Variants in RGS17 observed in about 807,000 individuals in gnomAD.
The protein encoded by RGS17 is regulator of G-protein signaling 17.
RGS17 carries 12 observed loss-of-function variants against 25.5 expected under a neutral mutation model. That is an observed-to-expected ratio of 0.47 (90% CI 0.30 to 0.76). The LOEUF is 0.76. Among genes scored for constraint, RGS17 ranks in the 30% least tolerant of loss-of-function variants. The pLI is 0.07. For missense variants in RGS17, 196 were observed against 242.2 expected (o/e 0.81, Z 1.27); for synonymous variants, 71 against 76.9 (o/e 0.92, Z 0.40).
At chr6:153,112,830 A>G (rs146599299) in intron 1 of RGS17, among the ~76,000 whole-genome samples, 1 of 152,354 alleles carries the variant, frequency 6.6e-6, no homozygotes, top group Admixed American at 6.5e-5. Context: ...ACTAAGCTTC[A>G]TAAGCAAAGG....
intron 1 of RGS17, among the ~76,000 whole-genome samples, chr6:153,052,487 T>C (rs1326935172): frequency 5.3e-5 from 8 of 152,022 alleles, no homozygotes; most frequent in African/African-American, 1.9e-4. Flanking sequence ...AAAGTAATTG[T>C]GGTTTTTTGC....
intron 1 of RGS17, among the ~76,000 whole-genome samples, chr6:153,091,895 T>C (rs982206134): frequency 4.6e-5 from 7 of 152,104 alleles, no homozygotes; most frequent in Non-Finnish European, 8.8e-5. Flanking sequence ...TCTGGGGAAA[T>C]GAAAAACAAG....
intron 1 of RGS17, among the ~76,000 whole-genome samples, chr6:153,089,048 C>T (rs548113358): frequency 4.6e-5 from 7 of 152,198 alleles, no homozygotes; most frequent in Admixed American, 1.3e-4. Flanking sequence ...AGAACTGCTC[C>T]CACCTATAAA....
chr6:153,029,193 C>T (rs998209547), intron 2 of RGS17, among the ~76,000 whole-genome samples: 7 of 152,214 alleles, frequency 4.6e-5, no homozygotes, highest in African/African-American at 1.4e-4. Flanking sequence ...AGCTCTTGAT[C>T]TACTATTGGC....
At chr6:153,104,940 G>C (rs1187930301) in intron 1 of RGS17, among the ~76,000 whole-genome samples, 1 of 150,304 alleles carries the variant, frequency 6.7e-6, no homozygotes, top group African/African-American at 2.4e-5. Flanking sequence ...ATTTCAGGCA[G>C]GAGGAAGGAA....
chr6:153,092,981 G>A (rs1396797950), intron 1 of RGS17, among the ~76,000 whole-genome samples: 2 of 152,024 alleles, frequency 1.3e-5, no homozygotes, highest in East Asian at 3.9e-4. Flanking sequence ...CCTCTATCAG[G>A]GGAGAGAGTC....
At chr6:153,124,065 T>C (rs1777673457) in intron 1 of RGS17, among the ~76,000 whole-genome samples, 1 of 152,184 alleles carries the variant, frequency 6.6e-6, no homozygotes, top group African/African-American at 2.4e-5. Context: ...GCTTAGCAGC[T>C]TGCTTGAACA....
chr6:153,056,175 T>C (rs893304741), intron 1 of RGS17, among the ~76,000 whole-genome samples: 11 of 152,224 alleles, frequency 7.2e-5, no homozygotes, highest in African/African-American at 2.4e-4. Context: ...TAAACAGTTA[T>C]GTTCAATTCT....
chr6:153,030,809 C>CA (rs1260539759), intron 2 of RGS17, among the ~76,000 whole-genome samples: 1 of 152,158 alleles, frequency 6.6e-6, no homozygotes, highest in Non-Finnish European at 1.5e-5. Context: ...GTGAATAAGA[C>CA]AAAGGCTCTG....
intron 1 of RGS17, among the ~76,000 whole-genome samples, chr6:153,063,548 G>T (rs1250901999): frequency 9.2e-5 from 14 of 151,720 alleles, no homozygotes. Context: ...GGAGAAAAAA[G>T]AAAAAAGAAT....
chr6:153,065,478 CAT>C (rs1776694238), intron 1 of RGS17, among the ~76,000 whole-genome samples: 1 of 152,166 alleles, frequency 6.6e-6, no homozygotes, highest in Non-Finnish European at 1.5e-5. Context: ...ACATTTCACA[CAT>C]ACTCTTTTCC....
At chr6:153,013,503 A>T (rs1779154440) in intron 4 of RGS17, among the ~76,000 whole-genome samples, 1 of 152,216 alleles carries the variant, frequency 6.6e-6, no homozygotes, top group Admixed American at 6.5e-5. Context: ...AGATTCACAC[A>T]TCTGTCACAT....
chr6:153,016,808 C>G (rs1375790575), intron 4 of RGS17, among the ~76,000 whole-genome samples: 2 of 152,196 alleles, frequency 1.3e-5, no homozygotes, highest in African/African-American at 4.8e-5. Flanking sequence ...TCTATTGTTT[C>G]ATCTTGTGCC....
At chr6:153,056,597 A>C (rs933101949) in intron 1 of RGS17, among the ~76,000 whole-genome samples, 1 of 152,204 alleles carries the variant, frequency 6.6e-6, no homozygotes, top group Non-Finnish European at 1.5e-5. Context: ...TCAAGTTTAC[A>C]TAGATGATTA....
intron 1 of RGS17, among the ~76,000 whole-genome samples, chr6:153,120,787 G>A (rs540641159): frequency 1.5e-4 from 23 of 152,168 alleles, no homozygotes; most frequent in African/African-American, 3.4e-4. Flanking sequence ...GCACAAAATG[G>A]TTTTAATTTT....
chr6:153,085,301 C>A (rs2129120274), intron 1 of RGS17, among the ~76,000 whole-genome samples: 1 of 152,244 alleles, frequency 6.6e-6, no homozygotes, highest in African/African-American at 2.4e-5. Context: ...CTTCGAGGGA[C>A]TTCAGAGATT....
intron 1 of RGS17, among the ~76,000 whole-genome samples, chr6:153,094,412 G>A (rs1243978403): frequency 1.3e-5 from 2 of 152,140 alleles, no homozygotes; most frequent in Non-Finnish European, 2.9e-5. Context: ...TGCATTTAAA[G>A]TTGGTAATTA....
chr6:153,113,176 G>C (rs1232176346), intron 1 of RGS17, among the ~76,000 whole-genome samples: 3 of 151,996 alleles, frequency 2.0e-5, no homozygotes, highest in Admixed American at 6.6e-5. Flanking sequence ...GTATCCAGGA[G>C]ACCCATCTCA....
intron 2 of RGS17, among the ~76,000 whole-genome samples, chr6:153,036,684 T>C (rs1015989732): frequency 6.6e-6 from 1 of 152,190 alleles, no homozygotes; most frequent in Non-Finnish European, 1.5e-5. Flanking sequence ...TCTCATTTGA[T>C]GGGATCACCA....
Sources: allele counts gnomAD v4.1 joint callset (sites outside exome capture counted in the v4.1 genomes callset), GRCh38; gene constraint gnomAD v4.1.1; transcripts MANE v1.5; gene names NCBI Gene and HGNC (gene_info 2026-07-23, HGNC 2026-07-21).